The following KCNAB1 variants were observed in gnomAD, a reference collection of about 807,000 sequenced individuals.
The protein encoded by KCNAB1 is voltage-gated potassium channel subunit beta-1.
In KCNAB1, 35 loss-of-function variants were observed where a neutral mutation model predicts 64.6. The ratio of observed to expected loss-of-function variants is 0.54; its 90% CI spans 0.41 to 0.72. The LOEUF is 0.72. Ranked by LOEUF, KCNAB1 falls within the 30% of genes least tolerant of loss-of-function variation. The pLI is 0.00. For synonymous variants in KCNAB1, 177 were observed against 183.8 expected (o/e 0.96, Z 0.30); for missense variants, 401 against 512.9 (o/e 0.78, Z 2.11).
At chr3:156,481,511 G>A (rs1259135840) in intron 8 of KCNAB1, among the ~76,000 whole-genome samples, 1 of 151,340 alleles carries the variant, frequency 6.6e-6, no homozygotes, top group Non-Finnish European at 1.5e-5. Flanking sequence ...TGATACTTTA[G>A]GCCTATTTAG....
At chr3:156,492,393 G>T (rs1028178932) in intron 8 of KCNAB1, among the ~76,000 whole-genome samples, 2 of 152,056 alleles carry the variant, frequency 1.3e-5, no homozygotes, top group Non-Finnish European at 2.9e-5. Flanking sequence ...ATATTAGTTT[G>T]GGGGCCCAGG....
At chr3:156,329,376 G>A (rs1395173254) in intron 1 of KCNAB1, among the ~76,000 whole-genome samples, 1 of 152,126 alleles carries the variant, frequency 6.6e-6, no homozygotes, top group Non-Finnish European at 1.5e-5. Flanking sequence ...GGGGATGATT[G>A]CCTGCCTACA....
At chr3:156,136,206 G>A (rs1262625797) in intron 1 of KCNAB1, among the ~76,000 whole-genome samples, 3 of 152,148 alleles carry the variant, frequency 2.0e-5, no homozygotes, top group Admixed American at 2.0e-4. Context: ...AGCATTGCAG[G>A]TATTATAATA....
chr3:156,139,815 G>C (rs1229220002), intron 1 of KCNAB1, among the ~76,000 whole-genome samples: 1 of 151,998 alleles, frequency 6.6e-6, no homozygotes, highest in East Asian at 1.9e-4. Flanking sequence ...TATAACTGGA[G>C]TTTACAAGCT....
At chr3:156,128,759 T>C (rs367571768) in intron 1 of KCNAB1, among the ~76,000 whole-genome samples, 53 of 152,356 alleles carry the variant, frequency 3.5e-4, no homozygotes, top group African/African-American at 1.1e-3. Context: ...TTGGGGGGCA[T>C]GTGGAAATTA....
At chr3:156,194,735 C>T (rs1241493933) in intron 1 of KCNAB1, among the ~76,000 whole-genome samples, 1 of 152,102 alleles carries the variant, frequency 6.6e-6, no homozygotes, top group Admixed American at 6.6e-5. Context: ...TTATCCAACA[C>T]CTCGCTTATG....
At chr3:156,377,325 T>C (rs1264767157) in intron 1 of KCNAB1, among the ~76,000 whole-genome samples, 1 of 152,078 alleles carries the variant, frequency 6.6e-6, no homozygotes, top group Non-Finnish European at 1.5e-5. Context: ...GTCACAAGCC[T>C]ACCTGTGAGT....
intron 1 of KCNAB1, among the ~76,000 whole-genome samples, chr3:156,306,104 A>C (rs1279919380): frequency 6.6e-6 from 1 of 152,230 alleles, no homozygotes; most frequent in African/African-American, 2.4e-5. Context: ...CAGTGGGGGC[A>C]AGTTATTGAT....
chr3:156,240,246 T>A (rs1259440917), intron 1 of KCNAB1, among the ~76,000 whole-genome samples: 1 of 152,200 alleles, frequency 6.6e-6, no homozygotes, highest in African/African-American at 2.4e-5. Context: ...CGATATGGCC[T>A]CCTTTGTCTT....
intron 1 of KCNAB1, among the ~76,000 whole-genome samples, chr3:156,377,400 C>G (rs995864955): frequency 3.3e-5 from 5 of 152,068 alleles, no homozygotes; most frequent in Non-Finnish European, 7.4e-5. Flanking sequence ...CAGGGAAGAC[C>G]AGGGTGCTGC....
rs114759689 is a variant in KCNAB1, at chr3:156,193,419, C to A, written c.275+72533C>A. ...TAGGTCTTGTGTTAGATTATTTTGC[C>A]CAACTCTAGGCAAATGTAAGGGTTC... On this transcript the variant is annotated intron_variant, in intron 1 of 13. Transcript: ENST00000490337. Among the ~76,000 whole-genome samples the A allele has an allele frequency of 5.7e-3, 868 of 152,082 alleles. 7 individuals carry two copies. The highest frequency in any genetic ancestry group is 0.017 in the South Asian group (84 of 4,814).
At chr3:156,252,826 C>T (rs546084074) in intron 1 of KCNAB1, among the ~76,000 whole-genome samples, 161 of 152,276 alleles carry the variant, frequency 1.1e-3, no homozygotes, top group African/African-American at 3.1e-3. Flanking sequence ...CTTTCCAACG[C>T]GCATTGTCTT....
At chr3:156,177,612 C>G (rs1027875408) in intron 1 of KCNAB1, among the ~76,000 whole-genome samples, 7 of 151,994 alleles carry the variant, frequency 4.6e-5, no homozygotes, top group Admixed American at 2.6e-4. Context: ...CTCCTGACCT[C>G]GTGATCCGCC....
chr3:156,515,045 G>A, intron 9 of KCNAB1, 55 bp from the exon 10 acceptor site: 1 of 1,502,942 alleles, frequency 6.7e-7, no homozygotes, highest in Middle Eastern at 1.8e-4. Context: ...ACAAATTACA[G>A]CGAAGCCTTA....
intron 1 of KCNAB1, among the ~76,000 whole-genome samples, chr3:156,346,937 T>C (rs1256897282): frequency 4.0e-5 from 6 of 151,616 alleles, no homozygotes; most frequent in Non-Finnish European, 5.9e-5. Context: ...ATTAGAGCAA[T>C]AGAATGAATC....
intron 8 of KCNAB1, among the ~76,000 whole-genome samples, chr3:156,491,166 A>G (rs1421906194): frequency 6.6e-6 from 1 of 152,110 alleles, no homozygotes; most frequent in Non-Finnish European, 1.5e-5. Context: ...TTCCACCAAC[A>G]CATAAAGATA....
chr3:156,197,877 T>C (rs1714059788), intron 1 of KCNAB1, among the ~76,000 whole-genome samples: 1 of 152,186 alleles, frequency 6.6e-6, no homozygotes, highest in South Asian at 2.1e-4. Context: ...TTAATTGCGA[T>C]GTTAGGGTGT....
At chr3:156,358,468 C>A (rs956779866) in intron 1 of KCNAB1, among the ~76,000 whole-genome samples, 1 of 152,184 alleles carries the variant, frequency 6.6e-6, no homozygotes, top group African/African-American at 2.4e-5. Flanking sequence ...CACCAGGTCT[C>A]CTCTCTGGCC....
At chr3:156,219,512 A>G (rs1482993673) in intron 1 of KCNAB1, among the ~76,000 whole-genome samples, 1 of 152,078 alleles carries the variant, frequency 6.6e-6, no homozygotes, top group Non-Finnish European at 1.5e-5. Context: ...AAGAAGAGGA[A>G]TCTAAAAGTT....
Sources: allele counts gnomAD v4.1 joint callset (sites outside exome capture counted in the v4.1 genomes callset), GRCh38; gene constraint gnomAD v4.1.1; transcripts MANE v1.5; gene names NCBI Gene and HGNC (gene_info 2026-07-23, HGNC 2026-07-21).